Variants in RGS20 observed in about 807,000 individuals in gnomAD.
RGS20 encodes gz-selective GTPase-activating protein.
In RGS20, 30 loss-of-function variants were observed where a neutral mutation model predicts 33.6. The observed-to-expected ratio is 0.89, with a 90% confidence interval of 0.67 to 1.21. The LOEUF (loss-of-function observed/expected upper bound fraction) is 1.21. Ranked by LOEUF, RGS20 falls within the 50% of genes most tolerant of loss-of-function variation. The pLI, the probability that RGS20 is intolerant of heterozygous loss-of-function variation, is 0.00. For synonymous variants in RGS20, 208 were observed against 197.9 expected (o/e 1.05, Z -0.43); for missense variants, 472 against 502.4 (o/e 0.94, Z 0.58).
intron 1 of RGS20, among the ~76,000 whole-genome samples, chr8:53,874,401 T>TGTGTGTGTGC (rs1403614307): frequency 2.4e-5 from 3 of 124,908 alleles, no homozygotes; most frequent in African/African-American, 1.1e-4. Flanking sequence ...TGTGTGTGTG[T>TGTGTGTGTGC]GCGCGCGCGT....
At chr8:53,852,396 G>A (rs1037888084) in intron 1 of RGS20, among the ~76,000 whole-genome samples, 3 of 151,986 alleles carry the variant, frequency 2.0e-5, no homozygotes, top group Non-Finnish European at 2.9e-5. Context: ...ATCTTTCTCC[G>A]ATATAAATAT....
At chr8:53,869,591 G>A (rs183041154) in intron 1 of RGS20, among the ~76,000 whole-genome samples, 183 of 152,166 alleles carry the variant, frequency 1.2e-3, no homozygotes, top group Admixed American at 3.9e-3. Context: ...CAGGAGAATC[G>A]CTTGAACCTG....
chr8:53,914,037 C>G (rs529269628), intron 2 of RGS20: 1 of 136,962 alleles, frequency 7.3e-6, no homozygotes, highest in South Asian at 2.3e-4. Context: ...TCCAATCTCT[C>G]TTTTTTTTTT....
intron 4 of RGS20, among the ~76,000 whole-genome samples, chr8:53,951,017 T>C (rs1484103096): frequency 3.3e-5 from 5 of 152,224 alleles, no homozygotes; most frequent in African/African-American, 1.2e-4. Flanking sequence ...CGTTAAATGA[T>C]TTAGCTTACT....
rs559408938 is a variant in RGS20, at chr8:53,884,981, T to C, written c.510+5379T>C. 5.3e-4 allele frequency among the ~76,000 whole-genome samples: 80 copies of C among 152,366 alleles called. 1 individual carries two copies. The highest frequency in any genetic ancestry group is 1.9e-3 in the African/African-American group (79 of 41,588). On this transcript the variant is annotated intron_variant, in intron 2 of 5. Transcript: ENST00000297313. ...TTCTATTAATCTCCTGTAGCAGTTT[T>C]AGAAATCATTTTTGAGCTTTTCTTG... is the stretch of plus-strand genomic sequence containing the variant.
At chr8:53,869,617 G>A (rs966593987) in intron 1 of RGS20, among the ~76,000 whole-genome samples, 8 of 151,990 alleles carry the variant, frequency 5.3e-5, no homozygotes, top group Admixed American at 6.6e-5. Context: ...TGGAGGTTGC[G>A]GCGAGCCAAG....
In RGS20 at chr8:53,877,325, C is replaced by T. The variant is rs1333441390; in HGVS notation, c.166-1933C>T. Among the ~76,000 whole-genome samples the T allele has an allele frequency of 6.6e-6, 1 of 152,176 alleles. No individual in the cohort carries two copies. The highest frequency in any genetic ancestry group is 1.5e-5 in the Non-Finnish European group (1 of 68,022). On this transcript the variant is annotated intron_variant, in intron 1 of 5. Transcript: ENST00000297313. The surrounding 1 kb of genome is among the most constrained non-coding windows in gnomAD (Gnocchi z 5.7). ...GTGGCCGCCGAAGTTCCCGCCCTCGCCGAGGGCCCTCGCTCCGGAGTGGGG... is the reference window on the plus strand; with the variant it reads ...GTGGCCGCCGAAGTTCCCGCCCTCGTCGAGGGCCCTCGCTCCGGAGTGGGG...
chr8:53,865,732 G>A (rs1811904994), intron 1 of RGS20, among the ~76,000 whole-genome samples: 1 of 152,142 alleles, frequency 6.6e-6, no homozygotes, highest in African/African-American at 2.4e-5. Flanking sequence ...TCAGCCTCCT[G>A]AGTAGCTGAG....
At chr8:53,853,181 G>A (rs1357921426) in intron 1 of RGS20, among the ~76,000 whole-genome samples, 1 of 152,112 alleles carries the variant, frequency 6.6e-6, no homozygotes, top group East Asian at 1.9e-4. Flanking sequence ...GAATGTGGAG[G>A]CTACTTTGAG....
intron 2 of RGS20, among the ~76,000 whole-genome samples, chr8:53,907,139 G>A (rs1057023265): frequency 6.6e-6 from 1 of 152,144 alleles, no homozygotes; most frequent in African/African-American, 2.4e-5. Context: ...AAGTGGCCGG[G>A]TGGCTTGGTA....
chr8:53,880,993 T>G (rs1812354484), intron 2 of RGS20: 1 of 1,593,786 alleles, frequency 6.3e-7, no homozygotes, highest in Non-Finnish European at 8.5e-7. Flanking sequence ...CGCTGCAATA[T>G]TGAGAAGGCA....
At chr8:53,954,399 C>T (rs1814799659) in intron 5 of RGS20, 89 bp downstream of exon 4, 2 of 858,206 alleles carry the variant, frequency 2.3e-6, no homozygotes, top group African/African-American at 3.4e-5. Flanking sequence ...CACAGTGGCT[C>T]ACGTCTGTAA....
At chr8:53,952,431 A>G (rs1051711418) in intron 4 of RGS20, among the ~76,000 whole-genome samples, 2 of 145,408 alleles carry the variant, frequency 1.4e-5, no homozygotes, top group Non-Finnish European at 3.0e-5. Context: ...TGATAAACTT[A>G]AAAAAAAAAA....
intron 1 of RGS20, among the ~76,000 whole-genome samples, chr8:53,868,854 G>C (rs1004099511): frequency 6.6e-6 from 1 of 152,042 alleles, no homozygotes; most frequent in Non-Finnish European, 1.5e-5. Context: ...CCAGGTTCAA[G>C]CAATTATTCT....
At chr8:53,887,744 A>G (rs1293973652) in intron 2 of RGS20, among the ~76,000 whole-genome samples, 4 of 152,238 alleles carry the variant, frequency 2.6e-5, no homozygotes, top group African/African-American at 9.6e-5. Context: ...TAGGAGGCCA[A>G]GACGGGTGGA....
intron 2 of RGS20, among the ~76,000 whole-genome samples, chr8:53,892,244 T>C (rs1209517678): frequency 6.6e-6 from 1 of 152,242 alleles, no homozygotes; most frequent in Non-Finnish European, 1.5e-5. Flanking sequence ...GGCTGCATAG[T>C]ATTCCATGGT....
intron 1 of RGS20, among the ~76,000 whole-genome samples, chr8:53,862,313 CATATT>C (rs1246229796): frequency 1.3e-5 from 2 of 152,170 alleles, no homozygotes; most frequent in Non-Finnish European, 2.9e-5. Flanking sequence ...AGGGAACACT[CATATT>C]AGATCCACAA....
intron 2 of RGS20, among the ~76,000 whole-genome samples, chr8:53,920,406 TG>T (rs746435521): frequency 6.6e-6 from 1 of 152,184 alleles, no homozygotes. Context: ...TAGTTCTAAT[TG>T]TTTTTTTTGT....
chr8:53,922,196 T>C (rs976207662), intron 2 of RGS20, among the ~76,000 whole-genome samples: 5 of 152,162 alleles, frequency 3.3e-5, no homozygotes, highest in Non-Finnish European at 5.9e-5. Context: ...TTATTGGGTG[T>C]ATATATATTT....
Sources: gnomAD v4.1 joint callset for allele counts (sites outside exome capture counted in the v4.1 genomes callset) on GRCh38, gnomAD v4.1.1 for gene constraint, Gnocchi (gnomAD v3.1) non-coding constraint, MANE v1.5 for transcripts, NCBI Gene and HGNC (gene_info 2026-07-23, HGNC 2026-07-21) for gene names.